ACOT7: variants seen among roughly 807,000 people sequenced by gnomAD.
The protein encoded by ACOT7 is cytosolic acyl coenzyme A thioester hydrolase.
A neutral mutation model predicts 40.2 loss-of-function variants in ACOT7; 12 were observed. The ratio of observed to expected loss-of-function variants is 0.30; its 90% confidence interval spans 0.19 to 0.48. The LOEUF (loss-of-function observed/expected upper bound fraction) is 0.48. ACOT7 is among the 20% of genes least tolerant of loss of function. The probability of loss-of-function intolerance (pLI) is 0.99; values close to 1 mark genes in which losing one functional copy is unlikely to be tolerated. For synonymous variants in ACOT7, 228 were observed against 219.5 expected (o/e 1.04, Z -0.34); for missense variants, 395 against 530.8 (o/e 0.74, Z 2.51).
chr1:6,264,575 A>G lies in ACOT7; in HGVS notation c.*22T>C. ...GCCCGTTGCCATGGCTACTCGAGGC[A>G]CCAGTGGCAGGAGGAGGGAGTCTAG... On this transcript the variant is annotated 3_prime_UTR_variant, in exon 9 of 9. Coordinates refer to ENST00000361521, the MANE Select transcript of ACOT7 (RefSeq NM_007274.4). 6.2e-7 allele frequency: 1 copy of G among 1,605,740 alleles called. No individual in the cohort carries two copies. The highest frequency in any genetic ancestry group is 2.2e-5 in the East Asian group (1 of 44,782).
chr1:6,393,509 C>G lies in ACOT7; in HGVS notation c.-110G>C, dbSNP rs2148487491. On this transcript the variant is annotated 5_prime_UTR_variant, in exon 1 of 9. Transcript: ENST00000361521. Reference sequence around the variant, plus strand: ...CGACCCCGCCCCCGCGCCGGCCCCACCCCGAGCCCCGCCTCCCAGGCCGCC... The same window carrying G: ...CGACCCCGCCCCCGCGCCGGCCCCAGCCCGAGCCCCGCCTCCCAGGCCGCC... 1 of 1,000,348 alleles carries G rather than the reference C, an allele frequency of 1.0e-6. No homozygotes were observed. 62.0% of individuals were successfully genotyped at this position (1,000,348 alleles called of 1,614,324 possible). A position where few individuals can be genotyped will look rare whatever the true frequency, so the allele number is the denominator to read the frequency against.
chr1:6,269,239 G>A (rs149370584), intron 8 of ACOT7, among the ~76,000 whole-genome samples: 4 of 152,298 alleles, frequency 2.6e-5, no homozygotes, highest in East Asian at 1.9e-4. Flanking sequence ...GTCCTATGCC[G>A]AGGGACTTTT....
At chr1:6,300,104 A>C (rs1029956877) in intron 6 of ACOT7, among the ~76,000 whole-genome samples, 9 of 152,188 alleles carry the variant, frequency 5.9e-5, no homozygotes, top group Admixed American at 3.9e-4. Context: ...GTATGTGAGA[A>C]GTTTATCACC....
At position 6,373,693 on chromosome 1, in the gene ACOT7, C is replaced by T. The variant is rs548235516; in HGVS notation, c.143+19564G>A. Reference sequence around the variant, plus strand: ...CAGCCTGACCAACATGGTGAAACCCCGTCTCTACTAAAAATACAAAAATTA... The same window carrying T: ...CAGCCTGACCAACATGGTGAAACCCTGTCTCTACTAAAAATACAAAAATTA... On this transcript the variant is annotated intron_variant, in intron 1 of 8. Coordinates refer to ENST00000361521, the MANE Select transcript of ACOT7 (RefSeq NM_007274.4). 2.2e-3 allele frequency among the ~76,000 whole-genome samples: 335 copies of T among 151,950 alleles called. 1 individual carries two copies. Among genetic ancestry groups the T allele is most frequent in the Middle Eastern group, 0.01 (3 of 292 alleles).
intron 1 of ACOT7, among the ~76,000 whole-genome samples, chr1:6,388,766 C>T (rs1252401336): frequency 4.4e-5 from 6 of 135,410 alleles, no homozygotes; most frequent in African/African-American, 1.4e-4. Flanking sequence ...AGGCCGGGTG[C>T]GGTGGCTCAC....
chr1:6,338,279 G>A lies in ACOT7; in HGVS notation c.418+1154C>T, dbSNP rs1346026351. On this transcript the variant is annotated intron_variant, in intron 3 of 8. Transcript: ENST00000361521. The surrounding 1 kb of genome is among the most constrained non-coding windows in gnomAD (Gnocchi z 4.4). ...CCCCCAGCACAGTCGGAGAAGAGCT[G>A]CGATCTCACAGGAGATGGCAGGGAA... 6.6e-6 allele frequency among the ~76,000 whole-genome samples: 1 copy of A among 152,206 alleles called. No homozygotes were observed. The highest frequency in any genetic ancestry group is 1.5e-5 in the Non-Finnish European group (1 of 68,022).
intron 1 of ACOT7, among the ~76,000 whole-genome samples, chr1:6,389,644 C>T (rs1642500603): frequency 6.6e-6 from 1 of 151,450 alleles, no homozygotes; most frequent in Admixed American, 6.6e-5. Flanking sequence ...ATTAGCTGGG[C>T]GTGGTGGCGG....
At chr1:6,271,864 C>T (rs1639046016) in intron 8 of ACOT7, among the ~76,000 whole-genome samples, 2 of 152,278 alleles carry the variant, frequency 1.3e-5, no homozygotes, top group Admixed American at 6.5e-5. Flanking sequence ...TAAAGGCCAA[C>T]GGGAGGCTGC....
chr1:6,267,186 G>A (rs1225393667), intron 8 of ACOT7, among the ~76,000 whole-genome samples: 1 of 152,344 alleles, frequency 6.6e-6, no homozygotes, highest in Admixed American at 6.5e-5. Context: ...CAGCCCACAG[G>A]AGCCAGGTCC....
At chr1:6,388,270 C>T (rs945001700) in intron 1 of ACOT7, among the ~76,000 whole-genome samples, 2 of 151,982 alleles carry the variant, frequency 1.3e-5, no homozygotes, top group African/African-American at 2.4e-5. Flanking sequence ...CCGCCACGCC[C>T]GCCTAATTTT....
At chr1:6,269,253 G>A (rs1378672929) in intron 8 of ACOT7, among the ~76,000 whole-genome samples, 1 of 152,178 alleles carries the variant, frequency 6.6e-6, no homozygotes, top group Non-Finnish European at 1.5e-5. Flanking sequence ...GACTTTTAGG[G>A]GTGGGACTCG....
intron 1 of ACOT7, among the ~76,000 whole-genome samples, chr1:6,382,220 A>G (rs1239345586): frequency 6.6e-6 from 1 of 151,300 alleles, no homozygotes; most frequent in Non-Finnish European, 1.5e-5. Context: ...TCTAGCCAAC[A>G]TGGGGAAACC....
intron 6 of ACOT7, among the ~76,000 whole-genome samples, chr1:6,298,531 A>C (rs1344485363): frequency 6.6e-6 from 1 of 152,180 alleles, no homozygotes; most frequent in Admixed American, 6.6e-5. Context: ...GTGCAGGTGA[A>C]ATACCGGGAA....
chr1:6,341,032 T>A (rs1641263740), intron 2 of ACOT7, among the ~76,000 whole-genome samples: 1 of 151,646 alleles, frequency 6.6e-6, no homozygotes, highest in Non-Finnish European at 1.5e-5. Flanking sequence ...CAAGACTCCA[T>A]CTCAAAAACA....
rs772712945 is a variant in ACOT7, at chr1:6,358,532, G to A, written c.144-8666C>T. On this transcript the variant is annotated intron_variant, in intron 1 of 8. Transcript: ENST00000361521. The surrounding 1 kb of genome is among the most constrained non-coding windows in gnomAD (Gnocchi z 4.1). ...AGCAAGGCTGGAAAGAAAACCAGGT[G>A]CCTTCCTCCCTGGGGACTAGAGCAG... 2.6e-5 allele frequency among the ~76,000 whole-genome samples: 4 copies of A among 152,332 alleles called. No individual in the cohort carries two copies. Among genetic ancestry groups the A allele is most frequent in the Middle Eastern group, 3.4e-3 (1 of 294 alleles).
intron 1 of ACOT7, among the ~76,000 whole-genome samples, chr1:6,365,517 C>T (rs1344087427): frequency 6.6e-6 from 1 of 152,096 alleles, no homozygotes; most frequent in African/African-American, 2.4e-5. Flanking sequence ...CACCTGTAAT[C>T]CCAGCACTTT....
chr1:6,378,341 T>C (rs1452961211), intron 1 of ACOT7, among the ~76,000 whole-genome samples: 2 of 151,640 alleles, frequency 1.3e-5, no homozygotes, highest in African/African-American at 4.8e-5. Context: ...AGTCCCCCAG[T>C]GATACATTTT....
At chr1:6,351,298 C>T (rs1641584129) in intron 1 of ACOT7, among the ~76,000 whole-genome samples, 1 of 152,258 alleles carries the variant, frequency 6.6e-6, no homozygotes, top group Non-Finnish European at 1.5e-5. Flanking sequence ...GGGACAGTTG[C>T]CTGTGGAGCG....
At chr1:6,372,457 T>C (rs1372884968) in intron 1 of ACOT7, among the ~76,000 whole-genome samples, 1 of 152,186 alleles carries the variant, frequency 6.6e-6, no homozygotes, top group Non-Finnish European at 1.5e-5. Flanking sequence ...TCCTTTGCAT[T>C]CACAACTTGG....
Sources: gnomAD v4.1 joint callset for allele counts (sites outside exome capture counted in the v4.1 genomes callset) on GRCh38, gnomAD v4.1.1 for gene constraint, Gnocchi (gnomAD v3.1) non-coding constraint, MANE v1.5 for transcripts, NCBI Gene and HGNC (gene_info 2026-07-23, HGNC 2026-07-21) for gene names.